Variants in PCARE observed in about 807,000 individuals in gnomAD.
The protein encoded by PCARE is photoreceptor cilium actin regulator, also known as uncharacterized protein C2orf71.
Under a neutral mutation model 82.2 loss-of-function variants are expected in PCARE, and 72 were observed. The observed-to-expected ratio is 0.88, with a 90% CI of 0.72 to 1.07. The LOEUF (loss-of-function observed/expected upper bound fraction) is 1.07. Among genes scored for constraint, PCARE ranks in the 50% least tolerant of loss-of-function variants. The probability of loss-of-function intolerance (pLI) is 0.00; values close to 1 mark genes in which losing one functional copy is unlikely to be tolerated. For missense variants in PCARE, 1,768 were observed against 1,592.4 expected (o/e 1.11, Z -1.88); for synonymous variants, 705 against 634.8 (o/e 1.11, Z -1.66).
In PCARE at chr2:29,073,861, C is replaced by T. The variant is rs375020883; in HGVS notation, c.401G>A (p.Ser134Asn). 5 of 1,614,122 alleles carry T rather than the reference C, an allele frequency of 3.1e-6. No homozygotes were observed. In the African/African-American group the frequency reaches 5.3e-5, roughly 17 times the overall value. The change falls in exon 1 of 2, where the codon AGT (serine) becomes AAT (asparagine). Residue 134 changes from serine (S) to asparagine (N), a missense_variant. Physicochemically the swap from Ser to Asn is conservative, Grantham distance 46. Coordinates refer to ENST00000331664, the MANE Select transcript of PCARE (RefSeq NM_001029883.3). ...SQGADFSGDESEESSTQDTSK... is the reference protein window; with the variant it reads ...SQGADFSGDENEESSTQDTSK... Reference sequence around the variant, plus strand: ...AGTATCTTGGGTACTACTTTCCTCACTCTCATCTCCAGAAAAGTCTGCCCC... The same window carrying T: ...AGTATCTTGGGTACTACTTTCCTCATTCTCATCTCCAGAAAAGTCTGCCCC...
intron 1 of PCARE, 48 bp downstream of exon 1, chr2:29,070,546 T>C (rs897650580): frequency 2.5e-6 from 4 of 1,611,322 alleles, no homozygotes; most frequent in Middle Eastern, 3.3e-4. Flanking sequence ...GCTCTGTTCC[T>C]CTCTAGTCCA....
rs1381872170 is a variant in PCARE at position 29,072,019 on chromosome 2, C to A, written c.2243G>T (p.Gly748Val). 1 of 1,614,114 alleles carries A rather than the reference C, an allele frequency of 6.2e-7. No individual in the cohort carries two copies. The highest frequency in any genetic ancestry group is 1.7e-5 in the Admixed American group (1 of 60,030). ...FSPTESLRML[G>V]DSKDAGASPC... ...ACTTGCCCCAGCGTCCTTAGAGTCC[C>A]CCAGCATCCTCAGACTCTCCGTGGG... Residue 748 changes from glycine (G) to valine (V), a missense_variant, in exon 1 of 2, where the codon GGG (glycine) becomes GTG (valine). Physicochemically the swap from Gly to Val is moderately radical, Grantham distance 109. Transcript: ENST00000331664.
chr2:29,072,468 C>T lies in PCARE; in HGVS notation c.1794G>A (p.Ser598=), dbSNP rs535459255. 139 of 1,614,220 alleles carry T rather than the reference C, an allele frequency of 8.6e-5. No individual in the cohort carries two copies. The highest frequency in any genetic ancestry group is 1.1e-4 in the Non-Finnish European group (133 of 1,180,030). The stretch of plus-strand genomic sequence containing the variant: ...GGTCCTCCACGTGACTCTGGAGACA[C>T]GACTCTGACTGGGACCTCGTCTGCC... ...PERQTRSQSE[S]CLQSHVEDPT... The change falls in exon 1 of 2, where the codon TCG becomes TCA. Residue 598 remains serine, a synonymous_variant. Transcript: ENST00000331664.
chr2:29,069,265 T>G (rs768959186), intron 1 of PCARE, among the ~76,000 whole-genome samples: 1 of 152,248 alleles, frequency 6.6e-6, no homozygotes, highest in Non-Finnish European at 1.5e-5. Flanking sequence ...GCAGCACTAT[T>G]CACAATAGCA....
At position 29,071,501 on chromosome 2, in the gene PCARE, C is replaced by T; in HGVS notation, c.2761G>A (p.Ala921Thr). Reference protein sequence around the residue: ...GRSSCQPRKPALDLSSPPATS... With the variant: ...GRSSCQPRKPTLDLSSPPATS... ...GCTGGTGGGCTGCTCAGGTCCAGGGCTGGCTTCCTGGGCTGGCAGCTGCTC... is the reference window on the plus strand; with the variant it reads ...GCTGGTGGGCTGCTCAGGTCCAGGGTTGGCTTCCTGGGCTGGCAGCTGCTC... The change falls in exon 1 of 2, where the codon GCC becomes ACC. Residue 921 changes from alanine to threonine, a missense_variant. Physicochemically the swap from Ala to Thr is moderately conservative, Grantham distance 58 (BLOSUM62 0). Coordinates refer to ENST00000331664, the MANE Select transcript of PCARE (RefSeq NM_001029883.3). The T allele has an allele frequency of 6.2e-7, 1 of 1,609,848 alleles. No homozygotes were observed. The highest frequency in any genetic ancestry group is 8.5e-7 in the Non-Finnish European group (1 of 1,179,886).
rs1667515973 is a variant in PCARE at position 29,072,823 on chromosome 2, G to C, written c.1439C>G (p.Ser480Cys). The change falls in exon 1 of 2, where the codon TCT (serine) becomes TGT (cysteine). Residue 480 changes from serine (S) to cysteine (C), a missense_variant. Coordinates refer to ENST00000331664, the MANE Select transcript of PCARE (RefSeq NM_001029883.3). ...GCTGCTGTCCTCGCTGTCACTAAGA[G>C]ATGAAGCGTCCATCGGCCTGGAGGT... is the stretch of plus-strand genomic sequence containing the variant. ...SKTSRPMDAS[S>C]LSDSEDSSPE... The C allele has an allele frequency of 6.2e-7, 1 of 1,614,068 alleles. No individual in the cohort carries two copies. The highest frequency in any genetic ancestry group is 8.5e-7 in the Non-Finnish European group (1 of 1,180,036).
rs1667539748 is a variant in PCARE, at chr2:29,073,796, T to G, written c.466A>C (p.Thr156Pro). The change falls in exon 1 of 2, where the codon ACA (threonine) becomes CCA (proline). Residue 156 changes from threonine to proline, a missense_variant. Thr to Pro is a conservative substitution (Grantham distance 38). Transcript: ENST00000331664. ...KRTAKCHTSSTQSHCYQTIHP... is the reference protein window; with the variant it reads ...KRTAKCHTSSPQSHCYQTIHP... ...ATGGTTTGGTAGCAGTGGCTCTGTG[T>G]GCTTGACGTGTGACATTTTGCTGTC... is the stretch of plus-strand genomic sequence containing the variant. 6.2e-7 allele frequency: 1 copy of G among 1,614,210 alleles called. No individual in the cohort carries two copies.
chr2:29,067,638 A>T (rs1325250555), intron 1 of PCARE, among the ~76,000 whole-genome samples: 1 of 152,180 alleles, frequency 6.6e-6, no homozygotes, highest in Non-Finnish European at 1.5e-5. Flanking sequence ...GCCACTTCCC[A>T]GGTTCAAGCA....
At chr2:29,066,560 A>G (rs1389058648) in intron 1 of PCARE, among the ~76,000 whole-genome samples, 3 of 152,210 alleles carry the variant, frequency 2.0e-5, no homozygotes, top group Admixed American at 6.5e-5. Context: ...ATGCCAAACC[A>G]GTGGAGAATA....
At position 29,072,918 on chromosome 2, in the gene PCARE, C is replaced by T. The variant is rs1667518272; in HGVS notation, c.1344G>A (p.Leu448=). The T allele has an allele frequency of 6.2e-7, 1 of 1,614,108 alleles. No individual in the cohort carries two copies. Among genetic ancestry groups the T allele is most frequent in the South Asian group, 1.1e-5 (1 of 91,066 alleles). ...CACATGGGGTGCTTGTCCCCAGCTT[C>T]AAAGGTGGGGAGGTGATATTTTCTG... The part of the protein sequence containing the change: ...TSPENITSPP[L]KLGTSTPCDS... The change falls in exon 1 of 2, where the codon TTG becomes TTA. Residue 448 remains leucine, a synonymous_variant. Transcript: ENST00000331664.
chr2:29,071,234 G>A lies in PCARE; in HGVS notation c.3028C>T (p.Arg1010Trp), dbSNP rs746136694. The A allele has an allele frequency of 1.1e-5, 17 of 1,611,312 alleles. No homozygotes were observed. The highest frequency in any genetic ancestry group is 3.3e-5 in the South Asian group (3 of 90,938). ...HWVPQADKRRRSLPSSYRPAQ... is the reference protein window; with the variant it reads ...HWVPQADKRRWSLPSSYRPAQ... The stretch of plus-strand genomic sequence containing the variant: ...GGTCTGTAAGAGGAGGGAAGGCTCC[G>A]GCGCCTCTTGTCTGCTTGAGGCACC... Residue 1010 changes from arginine to tryptophan, a missense_variant, in exon 1 of 2, where the codon CGG (arginine) becomes TGG (tryptophan). By Grantham distance (101) the Arg-to-Trp change is moderately radical (BLOSUM62 -3). Coordinates refer to ENST00000331664, the MANE Select transcript of PCARE (RefSeq NM_001029883.3).
At position 29,071,748 on chromosome 2, in the gene PCARE, C is replaced by T. The variant is rs765312170; in HGVS notation, c.2514G>A (p.Leu838=). The T allele has an allele frequency of 6.2e-7, 1 of 1,613,618 alleles. No individual in the cohort carries two copies. Among genetic ancestry groups the T allele is most frequent in the Admixed American group, 1.7e-5 (1 of 60,000 alleles). ...CCAGAGAAGCGAATGATTTGTCCAT[C>T]AGAACTTCCATAGGCGGTGGAGGGA... ...EHLPPPPMEV[L]MDKSFASLES... is the part of the protein sequence containing the mutation. Residue 838 remains leucine (L), a synonymous_variant, in exon 1 of 2, where the codon CTG becomes CTA. Transcript: ENST00000331664.
Position 29,064,033 on chromosome 2 carries a change from C to T in PCARE, c.*836G>A, listed in dbSNP as rs140117786. ...ATGCGTAGGGCAGTGAGAGCATTTGCTACATGCTTAGGCCGAGAGGCAGCG... is the reference window on the plus strand; with the variant it reads ...ATGCGTAGGGCAGTGAGAGCATTTGTTACATGCTTAGGCCGAGAGGCAGCG... On this transcript the variant is annotated 3_prime_UTR_variant, in exon 2 of 2. Transcript: ENST00000331664. 1 of 153,764 alleles carries T rather than the reference C, an allele frequency of 6.5e-6. No homozygotes were observed. The highest frequency in any genetic ancestry group is 2.4e-5 in the African/African-American group (1 of 41,576). 9.5% of individuals were successfully genotyped at this position (153,764 alleles called of 1,614,324 possible).
Position 29,071,809 on chromosome 2 carries a change from T to A in PCARE, c.2453A>T (p.Glu818Val). The change falls in exon 1 of 2, where the codon GAG becomes GTG. Residue 818 changes from glutamate to valine, a missense_variant. Physicochemically the swap from Glu to Val is moderately radical, Grantham distance 121. Coordinates refer to ENST00000331664, the MANE Select transcript of PCARE (RefSeq NM_001029883.3). ...LPKAEAAKSE[E>V]LSCEMEGNLE... The stretch of plus-strand genomic sequence containing the variant: ...GTTCCCCTCCATTTCACAGCTGAGC[T>A]CCTCACTCTTGGCTGCTTCTGCTTT... 3 of 1,614,062 alleles carry A rather than the reference T, an allele frequency of 1.9e-6. No homozygotes were observed. The highest frequency in any genetic ancestry group is 2.5e-6 in the Non-Finnish European group (3 of 1,179,940).
Position 29,063,603 on chromosome 2 carries a change from G to A in PCARE, c.*1266C>T, listed in dbSNP as rs185336809. 4.1e-4 allele frequency: 63 copies of A among 152,714 alleles called. No individual in the cohort carries two copies. Among genetic ancestry groups the A allele is most frequent in the African/African-American group, 1.5e-3 (63 of 41,574 alleles). 9.5% of individuals were successfully genotyped at this position (152,714 alleles called of 1,614,324 possible). A position where few individuals can be genotyped will look rare whatever the true frequency, so the allele number is the denominator to read the frequency against. On this transcript the variant is annotated 3_prime_UTR_variant, in exon 2 of 2. Transcript: ENST00000331664. ...AAAAATCAGCTTTGCAGCAGATCTG[G>A]AGGATCGTCCCTTTGCTGTACCCCA...
chr2:29,074,298 A>T lies in PCARE; in HGVS notation c.-37T>A. 1 of 1,513,912 alleles carries T rather than the reference A, an allele frequency of 6.6e-7. No individual in the cohort carries two copies. The highest frequency in any genetic ancestry group is 8.8e-7 in the Non-Finnish European group (1 of 1,133,552). 93.8% of individuals were successfully genotyped at this position (1,513,912 alleles called of 1,614,324 possible). ...GTAGTCATCTTCCACCCACCTTCAC[A>T]ATTTTCCAAGAATCATATTTGAAAT... is the stretch of plus-strand genomic sequence containing the variant. On this transcript the variant is annotated 5_prime_UTR_variant, in exon 1 of 2. The change creates a premature stop within an existing upstream ORF in the 5' untranslated region. Coordinates refer to ENST00000331664, the MANE Select transcript of PCARE (RefSeq NM_001029883.3).
Position 29,071,358 on chromosome 2 carries a change from T to C in PCARE, c.2904A>G (p.Gly968=). ...GGCTGGACTCTGAGGTCCTGTTTTG[T>C]CCAGATGGAGGGCCGGAGTGGTGCC... ...IAWHHSGPPS[G]QNRTSESSLA... is the part of the protein sequence containing the mutation. Residue 968 remains glycine, a synonymous_variant, in exon 1 of 2, where the codon GGA becomes GGG. Coordinates refer to ENST00000331664, the MANE Select transcript of PCARE (RefSeq NM_001029883.3). The C allele has an allele frequency of 6.2e-7, 1 of 1,613,712 alleles. No individual in the cohort carries two copies. Among genetic ancestry groups the C allele is most frequent in the Non-Finnish European group, 8.5e-7 (1 of 1,179,918 alleles).
Position 29,071,255 on chromosome 2 carries a change from G to A in PCARE, c.3007C>T (p.Pro1003Ser), listed in dbSNP as rs1162392640. 1.9e-6 allele frequency: 3 copies of A among 1,613,182 alleles called. No individual in the cohort carries two copies. The East Asian group carries it at 6.7e-5, about 36-fold the overall frequency. The change falls in exon 1 of 2, where the codon CCT becomes TCT. Residue 1003 changes from proline to serine, a missense_variant. By Grantham distance (74) the Pro-to-Ser change is moderately conservative. Transcript: ENST00000331664. ...KASPTRTHWV[P>S]QADKRRRSLP... ...CTCCGGCGCCTCTTGTCTGCTTGAG[G>A]CACCCAGTGTGTCCTCGTGGGAGAG...
chr2:29,070,911 C>T lies in PCARE; in HGVS notation c.3351G>A (p.Gly1117=), dbSNP rs1411401592. ...DSQAVIAKVS[G]NTHSIFCPAT... is the part of the protein sequence containing the mutation. ...CTGGGCAGAATATGGAATGTGTGTT[C>T]CCAGACACTTTGGCTATGACTGCTT... Residue 1117 remains glycine, a synonymous_variant, in exon 1 of 2, where the codon GGG becomes GGA. Coordinates refer to ENST00000331664, the MANE Select transcript of PCARE (RefSeq NM_001029883.3). 3.7e-6 allele frequency: 6 copies of T among 1,613,678 alleles called. No homozygotes were observed. In the Admixed American group the frequency reaches 5.0e-5, roughly 13 times the overall value.
Sources: allele counts gnomAD v4.1 joint callset (sites outside exome capture counted in the v4.1 genomes callset), GRCh38; gene constraint gnomAD v4.1.1; transcripts MANE v1.5; gene names NCBI Gene and HGNC (gene_info 2026-07-23, HGNC 2026-07-21).